The following ETV1 variants were observed in gnomAD, a reference collection of about 807,000 sequenced individuals.
ETV1 encodes the protein ETS variant transcription factor 1, also known as ETS translocation variant 1.
A neutral mutation model predicts 62.3 loss-of-function variants in ETV1; 27 were observed. That is an observed-to-expected ratio of 0.43 (90% CI 0.32 to 0.60). The LOEUF is 0.60. ETV1 is among the 20% of genes least tolerant of loss of function. The pLI is 0.06. For missense variants in ETV1, 605 were observed against 605.8 expected, an observed-to-expected ratio of 1.00 and a Z score of 0.01; for synonymous variants, 222 against 199.6, an observed-to-expected ratio of 1.11 and a Z score of -0.94.
chr7:13,914,868 G>A (rs1783980723), intron 9 of ETV1, among the ~76,000 whole-genome samples: 1 of 152,136 alleles, frequency 6.6e-6, no homozygotes, highest in Non-Finnish European at 1.5e-5. Context: ...TCAGGCCACG[G>A]CAAAGAGAAA....
intron 12 of ETV1, among the ~76,000 whole-genome samples, chr7:13,901,991 A>G (rs1185790576): frequency 1.3e-5 from 2 of 152,124 alleles, no homozygotes; most frequent in African/African-American, 4.8e-5. Flanking sequence ...TCACCACCCC[A>G]GGCTAGCCAA....
intron 9 of ETV1, among the ~76,000 whole-genome samples, chr7:13,913,191 C>T (rs1337921056): frequency 6.6e-6 from 1 of 152,152 alleles, no homozygotes; most frequent in Non-Finnish European, 1.5e-5. Flanking sequence ...TGTTTCTTCA[C>T]GAATAAAATG....
chr7:13,934,189 C>A (rs192177305), intron 8 of ETV1, among the ~76,000 whole-genome samples: 11 of 152,244 alleles, frequency 7.2e-5, no homozygotes, highest in Admixed American at 3.3e-4. Flanking sequence ...GATGCACATA[C>A]CATTGCACTC....
In ETV1 at chr7:13,906,563, C is replaced by G; in HGVS notation, c.977G>C (p.Gly326Ala). The G allele has an allele frequency of 6.2e-7, 1 of 1,611,866 alleles. No homozygotes were observed. The highest frequency in any genetic ancestry group is 8.5e-7 in the Non-Finnish European group (1 of 1,179,014). Residue 326 changes from glycine (G) to alanine (A), a missense_variant, in exon 12 of 14, where the codon GGA becomes GCA. Gly to Ala is a moderately conservative substitution (Grantham distance 60, BLOSUM62 0). This residue lies in a region of ETV1 where 100 missense variants were observed against 156.4 expected (regional missense o/e 0.64). Transcript: ENST00000430479. ...IKQEPGMYRE[G>A]PTYQRRGSLQ... Reference sequence around the variant, plus strand: ...TGATCCTCGCCGTTGGTATGTGGGTCCTTCCCGATACATTCCTGGCTCTTG... The same window carrying G: ...TGATCCTCGCCGTTGGTATGTGGGTGCTTCCCGATACATTCCTGGCTCTTG...
At chr7:13,952,660 G>T (rs1411507100) in intron 6 of ETV1, among the ~76,000 whole-genome samples, 1 of 152,132 alleles carries the variant, frequency 6.6e-6, no homozygotes, top group Non-Finnish European at 1.5e-5. Flanking sequence ...CCACTTTTCA[G>T]TAGGGGACCT....
At chr7:13,949,155 A>G (rs980926711) in intron 6 of ETV1, among the ~76,000 whole-genome samples, 1 of 151,410 alleles carries the variant, frequency 6.6e-6, no homozygotes, top group Non-Finnish European at 1.5e-5. Context: ...ACTTGGCTAT[A>G]GCAGTGATTT....
At chr7:13,941,172 A>C (rs547148149) in intron 6 of ETV1, among the ~76,000 whole-genome samples, 15 of 152,338 alleles carry the variant, frequency 9.8e-5, no homozygotes, top group Admixed American at 9.1e-4. Context: ...AAGGCTTAAG[A>C]GCCTCAAGAA....
At chr7:13,930,551 G>T (rs1460423269) in intron 9 of ETV1, among the ~76,000 whole-genome samples, 1 of 151,662 alleles carries the variant, frequency 6.6e-6, no homozygotes, top group Non-Finnish European at 1.5e-5. Context: ...TCAATCTCCT[G>T]ACCTCGTAAT....
intron 12 of ETV1, among the ~76,000 whole-genome samples, chr7:13,905,141 G>C (rs1014075707): frequency 2.6e-5 from 4 of 151,798 alleles, no homozygotes; most frequent in Admixed American, 2.6e-4. Flanking sequence ...TCTCGAGTCA[G>C]ATAATCTCTT....
In ETV1 at chr7:13,902,483, A is replaced by C. The variant is rs191846815; in HGVS notation, c.1111-1644T>G. On this transcript the variant is annotated intron_variant, in intron 12 of 13. Coordinates refer to ENST00000430479, the MANE Select transcript of ETV1 (RefSeq NM_004956.5). ...TTTCCCAAAGATAAACTTCATTTTA[A>C]TGTAAATCTTCTGAGCAATAGTGAA... 2.7e-5 allele frequency among the ~76,000 whole-genome samples: 4 copies of C among 149,916 alleles called. No individual in the cohort carries two copies. The Admixed American group carries it at 2.7e-4, about 10-fold the overall frequency.
At chr7:13,900,922 C>T (rs1782350128) in intron 12 of ETV1, 83 bp from the exon 13 acceptor site, 8 of 885,302 alleles carry the variant, frequency 9.0e-6, no homozygotes, top group Non-Finnish European at 1.4e-5. Flanking sequence ...TAATTACTTC[C>T]AAACCCACAA....
At chr7:13,987,959 G>A in intron 4 of ETV1, 127 bp downstream of exon 4, 1 of 625,686 alleles carries the variant, frequency 1.6e-6, no homozygotes, top group Non-Finnish European at 2.9e-6. Context: ...CCAAGTTAAA[G>A]TCTTAGTTAG....
At chr7:13,930,149 T>C (rs892544693) in intron 9 of ETV1, among the ~76,000 whole-genome samples, 1 of 152,210 alleles carries the variant, frequency 6.6e-6, no homozygotes, top group African/African-American at 2.4e-5. Flanking sequence ...AGGTACATGG[T>C]AACCTTATAA....
At chr7:13,913,881 T>C (rs1440239515) in intron 9 of ETV1, among the ~76,000 whole-genome samples, 1 of 78,824 alleles carries the variant, frequency 1.3e-5, no homozygotes, top group African/African-American at 5.9e-5. Flanking sequence ...GGTACCTCTT[T>C]TTTTTTTTTT....
intron 11 of ETV1, 145 bp from the exon 12 acceptor site, chr7:13,906,744 G>A (rs543097895): frequency 5.1e-6 from 3 of 582,976 alleles, no homozygotes; most frequent in South Asian, 6.7e-5. Context: ...CCATTAAAGA[G>A]GAATTTAAAA....
At chr7:13,979,355 A>G (rs1200190166) in intron 5 of ETV1, among the ~76,000 whole-genome samples, 3 of 152,086 alleles carry the variant, frequency 2.0e-5, no homozygotes, top group Admixed American at 6.6e-5. Context: ...GCTCAGTTTA[A>G]TATCTTTACT....
At chr7:13,902,004 C>T (rs1782487347) in intron 12 of ETV1, among the ~76,000 whole-genome samples, 1 of 152,130 alleles carries the variant, frequency 6.6e-6, no homozygotes, top group Admixed American at 6.5e-5. Flanking sequence ...CTAGCCAAAG[C>T]AGTATACAGA....
intron 9 of ETV1, among the ~76,000 whole-genome samples, chr7:13,929,749 C>T (rs1186702360): frequency 6.6e-6 from 1 of 152,148 alleles, no homozygotes; most frequent in African/African-American, 2.4e-5. Flanking sequence ...GCAGAGAATT[C>T]ATAGGTTTTG....
At chr7:13,983,876 T>C (rs1446973530) in intron 5 of ETV1, among the ~76,000 whole-genome samples, 2 of 151,772 alleles carry the variant, frequency 1.3e-5, no homozygotes, top group Non-Finnish European at 3.0e-5. Context: ...AAAATACTGG[T>C]CCCATCCCAA....
Sources: allele counts gnomAD v4.1 joint callset (sites outside exome capture counted in the v4.1 genomes callset), GRCh38; gene constraint gnomAD v4.1.1; regional missense constraint gnomAD v4.1.1; transcripts MANE v1.5; gene names NCBI Gene and HGNC (gene_info 2026-07-23, HGNC 2026-07-21).